Variants in RHOJ observed in about 807,000 individuals in gnomAD.
RHOJ encodes the protein ras homolog family member J, also known as rho-related GTP-binding protein RhoJ.
RHOJ carries 11 observed loss-of-function variants against 23.4 expected under a neutral mutation model. The observed-to-expected ratio is 0.47, with a 90% confidence interval of 0.30 to 0.78. RHOJ has a LOEUF of 0.78. Ranked by LOEUF, RHOJ falls within the 30% of genes least tolerant of loss-of-function variation. The probability of loss-of-function intolerance (pLI) is 0.08; values close to 1 mark genes in which losing one functional copy is unlikely to be tolerated. For missense variants in RHOJ, 254 were observed against 273.4 expected, an observed-to-expected ratio of 0.93 and a Z score of 0.50; for synonymous variants, 102 against 102.7, an observed-to-expected ratio of 0.99 and a Z score of 0.04.
intron 1 of RHOJ, among the ~76,000 whole-genome samples, chr14:63,245,023 C>T (rs536927867): frequency 6.6e-6 from 1 of 152,326 alleles, no homozygotes; most frequent in South Asian, 2.1e-4. Context: ...GTGTCCAGGG[C>T]TTGCTGGCTA....
chr14:63,239,767 G>A (rs1173061001), intron 1 of RHOJ, among the ~76,000 whole-genome samples: 4 of 152,224 alleles, frequency 2.6e-5, no homozygotes, highest in African/African-American at 9.6e-5. Context: ...TTGCAGGACA[G>A]ACTTAAGGAA....
At chr14:63,266,584 T>C (rs1301742209) in intron 1 of RHOJ, among the ~76,000 whole-genome samples, 1 of 152,354 alleles carries the variant, frequency 6.6e-6, no homozygotes, top group East Asian at 1.9e-4. Context: ...TTTCCATTTG[T>C]TTGTATCATC....
chr14:63,232,536 G>T (rs1894713108), intron 1 of RHOJ, among the ~76,000 whole-genome samples: 1 of 152,058 alleles, frequency 6.6e-6, no homozygotes, highest in Non-Finnish European at 1.5e-5. Flanking sequence ...GCTCTTCACT[G>T]CACAGTCTAT....
At chr14:63,258,281 A>T (rs1895214203) in intron 1 of RHOJ, among the ~76,000 whole-genome samples, 1 of 150,206 alleles carries the variant, frequency 6.7e-6, no homozygotes, top group Admixed American at 6.7e-5. Context: ...TCCCTTTCCT[A>T]TCCTGGAGCC....
At chr14:63,266,327 A>C (rs1277268800) in intron 1 of RHOJ, among the ~76,000 whole-genome samples, 1 of 152,160 alleles carries the variant, frequency 6.6e-6, no homozygotes, top group Non-Finnish European at 1.5e-5. Context: ...TAAATTCCAA[A>C]GGGAGGAGAG....
chr14:63,224,827 G>T (rs905229094), intron 1 of RHOJ, among the ~76,000 whole-genome samples: 3 of 152,238 alleles, frequency 2.0e-5, no homozygotes, highest in Non-Finnish European at 4.4e-5. Context: ...CAGTTTGGGA[G>T]CCCTGAGCTA....
chr14:63,233,110 G>A (rs1489106314), intron 1 of RHOJ, among the ~76,000 whole-genome samples: 2 of 152,160 alleles, frequency 1.3e-5, no homozygotes, highest in South Asian at 2.1e-4. Context: ...AGGATCATGG[G>A]AAGTGGTATG....
In RHOJ at chr14:63,292,555, T is replaced by G. The variant is rs760219334; in HGVS notation, c.*1531T>G. The G allele has an allele frequency of 6.6e-6, 1 of 152,176 alleles. No homozygotes were observed. The highest frequency in any genetic ancestry group is 2.4e-5 in the African/African-American group (1 of 41,436). 9.4% of individuals were successfully genotyped at this position (152,176 alleles called of 1,614,324 possible). On this transcript the variant is annotated 3_prime_UTR_variant, in exon 5 of 5. Transcript: ENST00000316754. Reference sequence around the variant, plus strand: ...GCATGAGCAAAGTGCTTCTTAGTAGTGTGAAATTACAACAACTTTAAGACT... The same window carrying G: ...GCATGAGCAAAGTGCTTCTTAGTAGGGTGAAATTACAACAACTTTAAGACT...
intron 1 of RHOJ, among the ~76,000 whole-genome samples, chr14:63,255,163 C>T (rs890996323): frequency 6.6e-6 from 1 of 152,142 alleles, no homozygotes; most frequent in East Asian, 1.9e-4. Flanking sequence ...CAAATCCCCC[C>T]CTGAGGTAAC....
chr14:63,213,233 C>T (rs1306539846), intron 1 of RHOJ, among the ~76,000 whole-genome samples: 1 of 152,178 alleles, frequency 6.6e-6, no homozygotes, highest in African/African-American at 2.4e-5. Flanking sequence ...TCTTGTCACC[C>T]AGGTGGTGAG....
chr14:63,215,990 A>C (rs953159071), intron 1 of RHOJ, among the ~76,000 whole-genome samples: 1 of 152,202 alleles, frequency 6.6e-6, no homozygotes, highest in African/African-American at 2.4e-5. Flanking sequence ...GACGCTCAGG[A>C]TAATTTTCTA....
intron 1 of RHOJ, among the ~76,000 whole-genome samples, chr14:63,218,949 T>TA (rs1894424480): frequency 6.6e-6 from 1 of 152,204 alleles, no homozygotes; most frequent in Admixed American, 6.5e-5. Context: ...GTGCTGCACT[T>TA]ATGGTAGGAG....
At chr14:63,249,485 A>C (rs547090928) in intron 1 of RHOJ, among the ~76,000 whole-genome samples, 1 of 152,312 alleles carries the variant, frequency 6.6e-6, no homozygotes, top group Admixed American at 6.5e-5. Flanking sequence ...TTTATTTATG[A>C]AGTTCAGGGT....
At chr14:63,216,883 A>T (rs1894368247) in intron 1 of RHOJ, among the ~76,000 whole-genome samples, 1 of 152,216 alleles carries the variant, frequency 6.6e-6, no homozygotes, top group South Asian at 2.1e-4. Flanking sequence ...TAAATCTGTC[A>T]GGCTGGTTAG....
At chr14:63,207,278 C>T (rs1226705398) in intron 1 of RHOJ, among the ~76,000 whole-genome samples, 1 of 152,148 alleles carries the variant, frequency 6.6e-6, no homozygotes, top group Non-Finnish European at 1.5e-5. Context: ...GTTCTGCCTG[C>T]CTCAGCCTCC....
rs1275887482 is a variant in RHOJ, at chr14:63,204,672, A to G, written c.-198A>G. 1.7e-6 allele frequency: 1 copy of G among 605,172 alleles called. No homozygotes were observed. Among genetic ancestry groups the G allele is most frequent in the Non-Finnish European group, 2.9e-6 (1 of 341,398 alleles). 37.5% of individuals were successfully genotyped at this position (605,172 alleles called of 1,614,324 possible). On this transcript the variant is annotated 5_prime_UTR_variant, in exon 1 of 5. Coordinates refer to ENST00000316754, the MANE Select transcript of RHOJ (RefSeq NM_020663.5). The stretch of plus-strand genomic sequence containing the variant: ...GCAGACCCTTTTCATAACTCCCTCA[A>G]GTGTGTGTTACCTTTCTTTACCAGC...
intron 1 of RHOJ, among the ~76,000 whole-genome samples, chr14:63,215,396 G>T (rs1300220668): frequency 6.6e-6 from 1 of 152,138 alleles, no homozygotes; most frequent in African/African-American, 2.4e-5. Context: ...AATCCAGATT[G>T]CCAACAAGAG....
intron 1 of RHOJ, among the ~76,000 whole-genome samples, chr14:63,258,992 TGCGGTG>T (rs1895227458): frequency 6.6e-6 from 1 of 152,212 alleles, no homozygotes; most frequent in African/African-American, 2.4e-5. Context: ...CAGGCTGGAG[TGCGGTG>T]GCATGATCTT....
chr14:63,206,336 T>C (rs536340860), intron 1 of RHOJ, among the ~76,000 whole-genome samples: 3 of 152,262 alleles, frequency 2.0e-5, no homozygotes, highest in Non-Finnish European at 4.4e-5. Context: ...ATAATGACTA[T>C]GCCCAGAGAA....
Sources: allele counts gnomAD v4.1 joint callset (sites outside exome capture counted in the v4.1 genomes callset), GRCh38; gene constraint gnomAD v4.1.1; transcripts MANE v1.5; gene names NCBI Gene and HGNC (gene_info 2026-07-23, HGNC 2026-07-21).